The following RFFL variants were observed in gnomAD, a reference collection of about 807,000 sequenced individuals.
RFFL encodes E3 ubiquitin-protein ligase rififylin.
RFFL carries 16 observed loss-of-function variants against 40.4 expected under a neutral mutation model. The observed-to-expected ratio is 0.40, with a 90% CI of 0.27 to 0.60. The LOEUF is 0.60. Ranked by LOEUF, RFFL falls within the 20% of genes least tolerant of loss-of-function variation. The pLI, the probability that RFFL is intolerant of heterozygous loss-of-function variation, is 0.47. For missense variants in RFFL, 367 were observed against 451.7 expected (o/e 0.81, Z 1.70); for synonymous variants, 154 against 167.9 (o/e 0.92, Z 0.64).
chr17:35,040,430 C>T (rs1331292758), intron 1 of RFFL, among the ~76,000 whole-genome samples: 3 of 151,682 alleles, frequency 2.0e-5, no homozygotes, highest in African/African-American at 4.8e-5. Flanking sequence ...GGTGAAACCC[C>T]GTCTCTACTA....
intron 1 of RFFL, chr17:35,074,358 C>T (rs865907020): frequency 2.6e-5 from 4 of 152,302 alleles, no homozygotes; most frequent in African/African-American, 9.6e-5. Context: ...TGTCTAATTG[C>T]TGTGGTTTTT....
chr17:35,035,148 G>A (rs2091112076), intron 1 of RFFL, among the ~76,000 whole-genome samples: 1 of 152,108 alleles, frequency 6.6e-6, no homozygotes, highest in Admixed American at 6.6e-5. Context: ...GGTGGCTCAG[G>A]CCTGTAATCC....
intron 1 of RFFL, among the ~76,000 whole-genome samples, chr17:35,085,810 G>A (rs2091426554): frequency 6.6e-6 from 1 of 152,214 alleles, no homozygotes; most frequent in African/African-American, 2.4e-5. Context: ...CTTCACTGCA[G>A]AATGTTAACA....
intron 3 of RFFL, among the ~76,000 whole-genome samples, chr17:35,018,094 C>T (rs2090985715): frequency 6.6e-6 from 1 of 151,922 alleles, no homozygotes; most frequent in Non-Finnish European, 1.5e-5. Flanking sequence ...CATGTTTTCC[C>T]CTCCTTCACA....
At chr17:35,055,412 C>T (rs2091254715) in intron 1 of RFFL, among the ~76,000 whole-genome samples, 1 of 152,106 alleles carries the variant, frequency 6.6e-6, no homozygotes, top group Middle Eastern at 3.4e-3. Flanking sequence ...CGATGGCTCA[C>T]CTGTAATCCC....
chr17:35,070,187 T>A (rs1019432651), intron 1 of RFFL, among the ~76,000 whole-genome samples: 12 of 152,196 alleles, frequency 7.9e-5, no homozygotes, highest in Non-Finnish European at 1.6e-4. Flanking sequence ...GTTTTGTTTT[T>A]CTGAGACAGT....
chr17:35,021,128 G>A (rs2091005765), intron 3 of RFFL, among the ~76,000 whole-genome samples: 1 of 152,108 alleles, frequency 6.6e-6, no homozygotes, highest in Non-Finnish European at 1.5e-5. Context: ...GTCTAACTAG[G>A]ATATGTGTGT....
chr17:35,045,818 G>A (rs970173777), intron 1 of RFFL, among the ~76,000 whole-genome samples: 1 of 152,114 alleles, frequency 6.6e-6, no homozygotes, highest in Non-Finnish European at 1.5e-5. Context: ...GAGGTCAGGA[G>A]TTTGAGACCA....
chr17:35,051,058 A>G (rs977394664), intron 1 of RFFL, among the ~76,000 whole-genome samples: 1 of 152,260 alleles, frequency 6.6e-6, no homozygotes, highest in African/African-American at 2.4e-5. Flanking sequence ...AGCCAAACAC[A>G]GACTGAATCC....
At chr17:35,033,384 C>T (rs546435015) in intron 1 of RFFL, among the ~76,000 whole-genome samples, 41 of 151,802 alleles carry the variant, frequency 2.7e-4, no homozygotes, top group Non-Finnish European at 3.7e-4. Flanking sequence ...CAAAATTACC[C>T]GGGTATGGTA....
At chr17:35,039,195 C>T (rs964715069) in intron 1 of RFFL, among the ~76,000 whole-genome samples, 20 of 152,192 alleles carry the variant, frequency 1.3e-4, no homozygotes, top group Middle Eastern at 3.4e-3. Flanking sequence ...ACATGGGCCC[C>T]TGCACCCAGC....
chr17:35,058,710 G>C (rs947748309), intron 1 of RFFL, among the ~76,000 whole-genome samples: 2 of 152,128 alleles, frequency 1.3e-5, no homozygotes, highest in African/African-American at 4.8e-5. Flanking sequence ...GGCAAAGGTT[G>C]CAGTGAGCCG....
chr17:35,014,709 A>AG, intron 6 of RFFL, 31 bp downstream of exon 6: 1 of 1,605,968 alleles, frequency 6.2e-7, no homozygotes, highest in Non-Finnish European at 8.5e-7. Flanking sequence ...AAAGGGCCTA[A>AG]GCCCATTCCC....
rs151219892 is a variant in RFFL at position 35,056,446 on chromosome 17, C to T, written c.-9+7130G>A. ...AGGCTGGAATGCAGTGGCATGATCTCGGCTCACCACAACCTCCGCCTCCTG... is the reference window on the plus strand; with the variant it reads ...AGGCTGGAATGCAGTGGCATGATCTTGGCTCACCACAACCTCCGCCTCCTG... On this transcript the variant is annotated intron_variant, in intron 1 of 6. Transcript: ENST00000394597. 2.9e-3 allele frequency among the ~76,000 whole-genome samples: 421 copies of T among 146,698 alleles called. 9 individuals are homozygous for T. The East Asian group carries it at 0.06, about 21-fold the overall frequency.
chr17:35,007,543 T>G lies in RFFL; in HGVS notation c.*4425A>C, dbSNP rs1384927223. On this transcript the variant is annotated 3_prime_UTR_variant, in exon 7 of 7. Transcript: ENST00000394597. ...CTAGGGCAATGTGAGCAAAGTGTTG[T>G]GGCTCATCCTCGATCCTTTATGCCC... The G allele has an allele frequency of 6.6e-6, 1 of 152,258 alleles. No individual in the cohort carries two copies. Among genetic ancestry groups the G allele is most frequent in the East Asian group, 1.9e-4 (1 of 5,190 alleles). 9.4% of individuals were successfully genotyped at this position (152,258 alleles called of 1,614,324 possible). A position where few individuals can be genotyped will look rare whatever the true frequency, so the allele number is the denominator to read the frequency against.
At chr17:35,041,120 C>A (rs1275240182) in intron 1 of RFFL, among the ~76,000 whole-genome samples, 1 of 151,974 alleles carries the variant, frequency 6.6e-6, no homozygotes, top group Non-Finnish European at 1.5e-5. Context: ...AACTGCTTTC[C>A]CTAACTAGAA....
intron 1 of RFFL, among the ~76,000 whole-genome samples, chr17:35,027,870 TA>T (rs1786751342): frequency 6.7e-6 from 1 of 149,822 alleles, no homozygotes; most frequent in Admixed American, 6.6e-5. Context: ...CTGTCTCTAC[TA>T]AAAATATAAA....
chr17:35,033,036 G>A (rs1458290541), intron 1 of RFFL, among the ~76,000 whole-genome samples: 1 of 152,026 alleles, frequency 6.6e-6, no homozygotes, highest in Non-Finnish European at 1.5e-5. Flanking sequence ...ACAATTCCAA[G>A]GATAAATTAT....
In RFFL at chr17:35,010,480, G is replaced by C. The variant is rs1363562774; in HGVS notation, c.*1488C>G. On this transcript the variant is annotated 3_prime_UTR_variant, in exon 7 of 7. Coordinates refer to ENST00000394597, the MANE Select transcript of RFFL (RefSeq NM_001017368.2). ...TAGAAAATGGTTTCTCCTGCTGGGT[G>C]TGGTGGCTCACGCCTGTAATCCCAG... 2.0e-5 allele frequency: 3 copies of C among 152,368 alleles called. No homozygotes were observed. The highest frequency in any genetic ancestry group is 6.5e-5 in the Admixed American group (1 of 15,282). 9.4% of individuals were successfully genotyped at this position (152,368 alleles called of 1,614,324 possible).
Sources: gnomAD v4.1 joint callset for allele counts (sites outside exome capture counted in the v4.1 genomes callset) on GRCh38, gnomAD v4.1.1 for gene constraint, MANE v1.5 for transcripts, NCBI Gene and HGNC (gene_info 2026-07-23, HGNC 2026-07-21) for gene names.